EMX1: variants seen among roughly 807,000 people sequenced by gnomAD.
EMX1 encodes homeobox protein EMX1.
EMX1 carries 10 observed loss-of-function variants against 20.1 expected under a neutral mutation model. The observed-to-expected ratio is 0.50, with a 90% CI of 0.31 to 0.84. The LOEUF is 0.84. EMX1 is among the 40% of genes least tolerant of loss of function. The pLI, the probability that EMX1 is intolerant of heterozygous loss-of-function variation, is 0.05. For synonymous variants in EMX1, 250 were observed against 200.4 expected, an observed-to-expected ratio of 1.25 and a Z score of -2.09; for missense variants, 424 against 431.9, an observed-to-expected ratio of 0.98 and a Z score of 0.16.
intron 1 of EMX1, among the ~76,000 whole-genome samples, chr2:72,921,744 C>T (rs1671108283): frequency 6.6e-6 from 1 of 152,212 alleles, no homozygotes; most frequent in Admixed American, 6.5e-5. Context: ...CTTTAGGACA[C>T]ATGCTGTCTA....
In EMX1 at chr2:72,924,338, C is replaced by G. The variant is rs1383337307; in HGVS notation, c.550C>G (p.Leu184Val). Reference protein sequence around the residue: ...ASDVPQDGLLLHGPFARKPKR... With the variant: ...ASDVPQDGLLVHGPFARKPKR... ...CGACGTGCCCCAGGACGGGCTGCTTCTGCACGGCCCCTTCGCACGCAAGCC... is the reference window on the plus strand; with the variant it reads ...CGACGTGCCCCAGGACGGGCTGCTTGTGCACGGCCCCTTCGCACGCAAGCC... Residue 184 changes from leucine to valine, a missense_variant, in exon 2 of 3, where the codon CTG becomes GTG. Transcript: ENST00000258106. 6.3e-7 allele frequency: 1 copy of G among 1,578,762 alleles called. No homozygotes were observed. The highest frequency in any genetic ancestry group is 2.3e-5 in the East Asian group (1 of 43,882).
Position 72,933,858 on chromosome 2 carries a change from C to G in EMX1, c.777C>G (p.Ser259=), listed in dbSNP as rs368093885. Residue 259 remains serine (S), a synonymous_variant, in exon 3 of 3, where the codon TCC becomes TCG. Transcript: ENST00000258106. ...AGCTGGAGGAGGAAGGGCCTGAGTC[C>G]GAGCAGAAGAAGAAGGGCTCCCATC... The part of the protein sequence containing the change: ...RQKLEEEGPE[S]EQKKKGSHHI... The G allele has an allele frequency of 1.2e-6, 2 of 1,614,254 alleles. No homozygotes were observed. The highest frequency in any genetic ancestry group is 1.7e-6 in the Non-Finnish European group (2 of 1,180,046).
intron 2 of EMX1, among the ~76,000 whole-genome samples, chr2:72,928,002 G>C (rs1671230976): frequency 6.6e-6 from 1 of 152,208 alleles, no homozygotes. Context: ...GGGTTACTCA[G>C]ATCAGTGTGT....
At chr2:72,918,430 G>T in intron 1 of EMX1, 58 bp downstream of exon 1, 1 of 1,351,986 alleles carries the variant, frequency 7.4e-7, no homozygotes, top group Non-Finnish European at 9.4e-7. Flanking sequence ...CTGCGGCGAT[G>T]CGGGGGAGGC....
In EMX1 at chr2:72,925,768, C is replaced by T. The variant is rs543311559; in HGVS notation, c.705+1275C>T. 3.0e-6 allele frequency: 3 copies of T among 985,412 alleles called. No homozygotes were observed. In the African/African-American group the frequency reaches 5.2e-5, roughly 17 times the overall value. 61.0% of individuals were successfully genotyped at this position (985,412 alleles called of 1,614,324 possible). On this transcript the variant is annotated intron_variant, in intron 2 of 2. Coordinates refer to ENST00000258106, the MANE Select transcript of EMX1 (RefSeq NM_004097.3). ...TCATCCGCAGCTTTCTTCGGCGGAC[C>T]TTACCCTCTCCTCCTTCAGTGGCAT... is the stretch of plus-strand genomic sequence containing the variant.
At chr2:72,927,091 G>A (rs1461836638) in intron 2 of EMX1, among the ~76,000 whole-genome samples, 2 of 151,986 alleles carry the variant, frequency 1.3e-5, no homozygotes, top group African/African-American at 4.8e-5. Flanking sequence ...ACTTCTGTCT[G>A]CTCTCATTAA....
upstream of EMX1, chr2:72,916,980 A>C (rs1559055965): frequency 1.4e-6 from 1 of 712,002 alleles, no homozygotes. Flanking sequence ...CCCTTTCCAG[A>C]GCTGTCCCCC....
intron 1 of EMX1, 43 bp downstream of exon 1, chr2:72,918,415 C>G (rs1031573679): frequency 7.3e-7 from 1 of 1,360,806 alleles, no homozygotes; most frequent in Non-Finnish European, 9.4e-7. Flanking sequence ...CGGCCGGCGC[C>G]CGTGCTGCGG....
At chr2:72,929,151 A>T (rs1671246372) in intron 2 of EMX1, among the ~76,000 whole-genome samples, 1 of 152,164 alleles carries the variant, frequency 6.6e-6, no homozygotes, top group Non-Finnish European at 1.5e-5. Flanking sequence ...TTCCTAGCTC[A>T]CGGTGTGTCC....
rs771400979 is a variant in EMX1, at chr2:72,933,930, C to T, written c.849C>T (p.Asp283=). Reference sequence around the variant, plus strand: ...CCACGAAGCAGGCCAATGGGGAGGACATCGATGTCACCTCCAATGACTAGG... The same window carrying T: ...CCACGAAGCAGGCCAATGGGGAGGATATCGATGTCACCTCCAATGACTAGG... The part of the protein sequence containing the change: ...RIATKQANGE[D]IDVTSND Residue 283 remains aspartate (D), a synonymous_variant, in exon 3 of 3, where the codon GAC becomes GAT. Coordinates refer to ENST00000258106, the MANE Select transcript of EMX1 (RefSeq NM_004097.3). 9 of 1,614,272 alleles carry T rather than the reference C, an allele frequency of 5.6e-6. No individual in the cohort carries two copies. Among genetic ancestry groups the T allele is most frequent in the South Asian group, 3.3e-5 (3 of 91,084 alleles).
At chr2:72,920,285 C>T (rs1205045141) in intron 1 of EMX1, among the ~76,000 whole-genome samples, 1 of 152,268 alleles carries the variant, frequency 6.6e-6, no homozygotes, top group African/African-American at 2.4e-5. Flanking sequence ...CCGCCGCTTC[C>T]TGAGCCATCA....
chr2:72,932,184 C>T (rs1428654866), intron 2 of EMX1, among the ~76,000 whole-genome samples: 1 of 152,258 alleles, frequency 6.6e-6, no homozygotes, highest in Non-Finnish European at 1.5e-5. Flanking sequence ...CCCACCATTC[C>T]TCACCCGCAA....
In EMX1 at chr2:72,918,030, G is replaced by A. The variant is rs1007138660; in HGVS notation, c.178G>A (p.Gly60Ser). ...GGACGGCGGCACCGGCGGGGGCACT[G>A]GCGGCGGGGGCGCGGGCTCCCATCT... ...AKDGGTGGGT[G>S]GGGAGSHLLA... The change falls in exon 1 of 3, where the codon GGC becomes AGC. Residue 60 changes from glycine to serine, a missense_variant. By Grantham distance (56) the Gly-to-Ser change is moderately conservative. Transcript: ENST00000258106. 7.0e-7 allele frequency: 1 copy of A among 1,420,358 alleles called. No homozygotes were observed. The highest frequency in any genetic ancestry group is 9.1e-7 in the Non-Finnish European group (1 of 1,096,756). The allele number at this position is 1,420,358 out of a possible 1,614,324, so 88.0% of individuals were successfully genotyped here.
At chr2:72,924,219 C>G in intron 1 of EMX1, 90 bp from the exon 2 acceptor site, 1 of 1,484,358 alleles carries the variant, frequency 6.7e-7, no homozygotes, top group Non-Finnish European at 9.1e-7. Context: ...GGGAGCAGGG[C>G]GCGAGGCCAG....
chr2:72,921,347 G>T (rs1255774302), intron 1 of EMX1, among the ~76,000 whole-genome samples: 1 of 152,176 alleles, frequency 6.6e-6, no homozygotes, highest in Admixed American at 6.5e-5. Flanking sequence ...CTGACAGCCC[G>T]TTCTCACAGC....
chr2:72,933,774 C>A lies in EMX1; in HGVS notation c.706-13C>A, dbSNP rs759897420. ...CTGAGTTTCTCATCTGTGCCCCTCC[C>A]TCCCTGGCCCAGGTGAAGGTGTGGT... On this transcript the variant is annotated splice_polypyrimidine_tract_variant and intron_variant, in intron 2 of 2. Coordinates refer to ENST00000258106, the MANE Select transcript of EMX1 (RefSeq NM_004097.3). 1.9e-6 allele frequency: 3 copies of A among 1,613,988 alleles called. No homozygotes were observed.
chr2:72,920,930 A>G (rs959493586), intron 1 of EMX1, among the ~76,000 whole-genome samples: 3 of 152,170 alleles, frequency 2.0e-5, no homozygotes, highest in Non-Finnish European at 4.4e-5. Context: ...ACCCGCAACT[A>G]CAATGGGCCG....
chr2:72,918,056 C>A lies in EMX1; in HGVS notation c.204C>A (p.Leu68=). The change falls in exon 1 of 3, where the codon CTC becomes CTA. Residue 68 remains leucine (L), a synonymous_variant. Coordinates refer to ENST00000258106, the MANE Select transcript of EMX1 (RefSeq NM_004097.3). ...GCGGCGGGGGCGCGGGCTCCCATCT[C>A]CTGGCGGCGGCCGCCTCCGAGGAAC... is the stretch of plus-strand genomic sequence containing the variant. ...GTGGGGAGSH[L]LAAAASEEPL... The A allele has an allele frequency of 7.1e-7, 1 of 1,416,994 alleles. No homozygotes were observed. Among genetic ancestry groups the A allele is most frequent in the Non-Finnish European group, 9.1e-7 (1 of 1,095,200 alleles). 87.8% of individuals were successfully genotyped at this position (1,416,994 alleles called of 1,614,324 possible). A position where few individuals can be genotyped will look rare whatever the true frequency, so the allele number is the denominator to read the frequency against.
chr2:72,924,141 G>A, intron 1 of EMX1, 168 bp from the exon 2 acceptor site: 1 of 814,838 alleles, frequency 1.2e-6, no homozygotes, highest in Non-Finnish European at 2.0e-6. Flanking sequence ...TAGGGAAGGG[G>A]CGGCAAAAGG....
Sources: gnomAD v4.1 joint callset for allele counts (sites outside exome capture counted in the v4.1 genomes callset) on GRCh38, gnomAD v4.1.1 for gene constraint, MANE v1.5 for transcripts, NCBI Gene and HGNC (gene_info 2026-07-23, HGNC 2026-07-21) for gene names.